The following DCAF1 variants were observed in gnomAD, a reference collection of about 807,000 sequenced individuals.
DCAF1 encodes DDB1 and CUL4 associated factor 1, also known as DDB1- and CUL4-associated factor 1.
A neutral mutation model predicts 128.0 loss-of-function variants in DCAF1; 15 were observed. The observed-to-expected ratio is 0.12, with a 90% CI of 0.08 to 0.18. The LOEUF (loss-of-function observed/expected upper bound fraction) is 0.18. DCAF1 is among the 10% of genes least tolerant of loss of function. DCAF1 has a pLI of 1.00. For missense variants in DCAF1, 988 were observed against 1,649.5 expected, an observed-to-expected ratio of 0.60 and a Z score of 6.95; for synonymous variants, 610 against 603.0, an observed-to-expected ratio of 1.01 and a Z score of -0.17.
At chr3:51,424,636 T>C (rs1341485970) in intron 13 of DCAF1, among the ~76,000 whole-genome samples, 1 of 152,200 alleles carries the variant, frequency 6.6e-6, no homozygotes, top group Admixed American at 6.5e-5. Context: ...AACACTAAAT[T>C]AGCCATCAAT....
chr3:51,414,926 T>C (rs1341534439), intron 18 of DCAF1, 69 bp from the exon 19 acceptor site: 12 of 1,533,434 alleles, frequency 7.8e-6, no homozygotes, highest in Non-Finnish European at 9.7e-6. Flanking sequence ...AAAGAGAAAA[T>C]GTGCAAAGCA....
chr3:51,503,383 C>T (rs1243618997), upstream of DCAF1, among the ~76,000 whole-genome samples: 1 of 152,176 alleles, frequency 6.6e-6, no homozygotes, highest in East Asian at 1.9e-4. Context: ...TCATTCTCCT[C>T]CTTCTCCCGC....
At chr3:51,496,382 G>A (rs141151665) in intron 2 of DCAF1, among the ~76,000 whole-genome samples, 5 of 152,184 alleles carry the variant, frequency 3.3e-5, no homozygotes, top group Admixed American at 6.6e-5. Context: ...AGCCGAGATC[G>A]CGCCACTGCA....
intron 22 of DCAF1, 142 bp downstream of exon 22, chr3:51,412,851 T>C (rs955631758): frequency 7.7e-7 from 1 of 1,298,662 alleles, no homozygotes; most frequent in African/African-American, 1.5e-5. Context: ...CCAAGCCCCA[T>C]CAAATGAATA....
intron 24 of DCAF1, among the ~76,000 whole-genome samples, chr3:51,402,221 T>C (rs1000551549): frequency 6.6e-6 from 1 of 152,172 alleles, no homozygotes; most frequent in African/African-American, 2.4e-5. Flanking sequence ...ATTTTCCCCT[T>C]GGCTGTTAGG....
chr3:51,495,473 T>C (rs1708130044), intron 2 of DCAF1, among the ~76,000 whole-genome samples: 3 of 152,156 alleles, frequency 2.0e-5, no homozygotes, highest in Admixed American at 2.0e-4. Context: ...CAGTAAGACC[T>C]TGTCTTTATT....
rs2089401273 is a variant in DCAF1, at chr3:51,398,648, G to A, written c.*121C>T. 5 of 1,316,228 alleles carry A rather than the reference G, an allele frequency of 3.8e-6. No homozygotes were observed. The South Asian group carries it at 5.5e-5, about 14-fold the overall frequency. 81.5% of individuals were successfully genotyped at this position (1,316,228 alleles called of 1,614,324 possible). On this transcript the variant is annotated 3_prime_UTR_variant, in exon 25 of 25. Coordinates refer to ENST00000684031, the MANE Select transcript of DCAF1 (RefSeq NM_001387579.1). Reference sequence around the variant, plus strand: ...CTCTCTAAGCCATAATCTTCTGAATGCAGGGCATGCAGCTCCTTAAAAGAC... The same window carrying A: ...CTCTCTAAGCCATAATCTTCTGAATACAGGGCATGCAGCTCCTTAAAAGAC...
the DCAF1 span, among the ~76,000 whole-genome samples, chr3:51,505,133 G>T: frequency 6.6e-6 from 1 of 151,704 alleles, no homozygotes; most frequent in Non-Finnish European, 1.5e-5. Flanking sequence ...GTGTGGTGGT[G>T]CATGCCTGTA....
At chr3:51,466,602 C>G (rs192482017) in intron 5 of DCAF1, among the ~76,000 whole-genome samples, 1 of 151,994 alleles carries the variant, frequency 6.6e-6, no homozygotes, top group East Asian at 1.9e-4. Flanking sequence ...CAAGAATGAG[C>G]GTAGATACCT....
intron 6 of DCAF1, among the ~76,000 whole-genome samples, chr3:51,454,952 T>C (rs1577201524): frequency 6.6e-6 from 1 of 152,100 alleles, no homozygotes. Flanking sequence ...GGGTTACAGG[T>C]GTGAGCCGCC....
At chr3:51,426,214 A>C (rs1445890108) in intron 13 of DCAF1, among the ~76,000 whole-genome samples, 1 of 150,236 alleles carries the variant, frequency 6.7e-6, no homozygotes, top group East Asian at 1.9e-4. Flanking sequence ...CAATGGGTTC[A>C]CTTTTTTTTT....
At chr3:51,462,347 A>G (rs1703689401) in intron 6 of DCAF1, among the ~76,000 whole-genome samples, 1 of 152,184 alleles carries the variant, frequency 6.6e-6, no homozygotes, top group African/African-American at 2.4e-5. Context: ...GCTTGAACCC[A>G]GGAGGAAGTT....
Position 51,420,960 on chromosome 3 carries a change from G to T in DCAF1, c.2010C>A (p.Phe670Leu), listed in dbSNP as rs143468876. The T allele has an allele frequency of 1.9e-4, 309 of 1,613,852 alleles. 1 individual carries two copies. The African/African-American group carries it at 3.4e-3, about 18-fold the overall frequency. ...SIILGVAEGE[F>L]FIHDAEIQKS... ...TCTGAATTTCAGCATCATGGATGAAGAACTCACCCTCAGCCACTCCCAAAA... is the reference window on the plus strand; with the variant it reads ...TCTGAATTTCAGCATCATGGATGAATAACTCACCCTCAGCCACTCCCAAAA... The change falls in exon 15 of 25, where the codon TTC becomes TTA. Residue 670 changes from phenylalanine (F) to leucine (L), a missense_variant. Transcript: ENST00000684031. The surrounding 1 kb of genome is among the most constrained non-coding windows in gnomAD (Gnocchi z 6.5).
chr3:51,463,013 A>T (rs1553645121), intron 6 of DCAF1, 101 bp downstream of exon 6: 2 of 645,276 alleles, frequency 3.1e-6, no homozygotes, highest in African/African-American at 1.9e-5. Flanking sequence ...TTACTATATG[A>T]ATAACAAAAA....
intron 6 of DCAF1, among the ~76,000 whole-genome samples, chr3:51,451,764 A>G (rs1553641563): frequency 8.5e-6 from 1 of 117,704 alleles, no homozygotes; most frequent in East Asian, 4.4e-4. Context: ...CTCTGTCTCA[A>G]AAAAAAAAAA....
At chr3:51,400,155 T>G (rs1553624429) in intron 24 of DCAF1, among the ~76,000 whole-genome samples, 1 of 152,200 alleles carries the variant, frequency 6.6e-6, no homozygotes, top group East Asian at 1.9e-4. Flanking sequence ...GTATTGGTGA[T>G]GTATTGGTGA....
At chr3:51,484,130 G>A (rs1245107136) in intron 2 of DCAF1, among the ~76,000 whole-genome samples, 1 of 152,052 alleles carries the variant, frequency 6.6e-6, no homozygotes, top group African/African-American at 2.4e-5. Flanking sequence ...ACCTTTTGAG[G>A]AGTCCCTTTG....
intron 6 of DCAF1, among the ~76,000 whole-genome samples, chr3:51,451,929 C>A (rs1485338185): frequency 6.6e-6 from 1 of 151,882 alleles, no homozygotes; most frequent in Non-Finnish European, 1.5e-5. Flanking sequence ...AAAGAGTAAA[C>A]AGTGTTTTTA....
intron 11 of DCAF1, among the ~76,000 whole-genome samples, 167 bp from the exon 12 acceptor site, chr3:51,429,637 C>T (rs544373551): frequency 3.9e-5 from 6 of 152,124 alleles, no homozygotes; most frequent in African/African-American, 9.6e-5. Flanking sequence ...CAAATATCAA[C>T]GCATATTTAT....
Sources: gnomAD v4.1 joint callset for allele counts (sites outside exome capture counted in the v4.1 genomes callset) on GRCh38, gnomAD v4.1.1 for gene constraint, Gnocchi (gnomAD v3.1) non-coding constraint, MANE v1.5 for transcripts, NCBI Gene and HGNC (gene_info 2026-07-23, HGNC 2026-07-21) for gene names.